REV3L: variants seen among roughly 807,000 people sequenced by gnomAD.
The protein encoded by REV3L is DNA polymerase zeta catalytic subunit.
REV3L carries 69 observed loss-of-function variants against 299.4 expected under a neutral mutation model. The ratio of observed to expected loss-of-function variants is 0.23; its 90% CI spans 0.19 to 0.28. The LOEUF is 0.28. Ranked by LOEUF, REV3L falls within the 10% of genes least tolerant of loss-of-function variation. The probability of loss-of-function intolerance (pLI) is 1.00; values close to 1 mark genes in which losing one functional copy is unlikely to be tolerated. For synonymous variants in REV3L, 1,238 were observed against 1,271.4 expected (o/e 0.97, Z 0.56); for missense variants, 3,128 against 3,693.8 (o/e 0.85, Z 3.97).
At chr6:111,433,875 CCAGG>C (rs1403886399) in intron 1 of REV3L, among the ~76,000 whole-genome samples, 1 of 152,116 alleles carries the variant, frequency 6.6e-6, no homozygotes, top group Admixed American at 6.5e-5. Flanking sequence ...GGAATTCATC[CCAGG>C]GATGCAGATT....
At chr6:111,414,779 C>T (rs1784585042) in intron 2 of REV3L, among the ~76,000 whole-genome samples, 2 of 152,176 alleles carry the variant, frequency 1.3e-5, no homozygotes, top group Admixed American at 6.5e-5. Context: ...TGATTCCTCT[C>T]TCACAATCCT....
At chr6:111,302,023 A>G (rs1017701731) in intron 31 of REV3L, among the ~76,000 whole-genome samples, 5 of 152,210 alleles carry the variant, frequency 3.3e-5, no homozygotes, top group African/African-American at 4.8e-5. Flanking sequence ...TCTTTGATCT[A>G]TATTTATCAA....
rs1784919928 is a variant in REV3L at position 111,417,714 on chromosome 6, T to G, written c.140-1242A>C. Among the ~76,000 whole-genome samples the G allele has an allele frequency of 2.6e-5, 4 of 152,336 alleles. No homozygotes were observed. The South Asian group carries it at 8.3e-4, about 32-fold the overall frequency. Reference sequence around the variant, plus strand: ...TTACATTTCTTATAAAGAATAACATTAGCTTCTCTTATTTTTAAGGTACAC... The same window carrying G: ...TTACATTTCTTATAAAGAATAACATGAGCTTCTCTTATTTTTAAGGTACAC... On this transcript the variant is annotated intron_variant, in intron 1 of 31. Transcript: ENST00000368802.
chr6:111,336,697 G>A (rs1426457897), intron 21 of REV3L, among the ~76,000 whole-genome samples: 7 of 151,890 alleles, frequency 4.6e-5, no homozygotes, highest in Non-Finnish European at 1.0e-4. Flanking sequence ...AGGAATGAAA[G>A]AGGGTATCTA....
At chr6:111,306,984 A>G (rs757422347) in intron 31 of REV3L, among the ~76,000 whole-genome samples, 1 of 152,090 alleles carries the variant, frequency 6.6e-6, no homozygotes, top group Non-Finnish European at 1.5e-5. Context: ...GAACTCTGAA[A>G]TGCTCTCATG....
chr6:111,364,123 CTG>C (rs1162142954), intron 15 of REV3L, 145 bp from the exon 16 acceptor site: 61 of 1,140,124 alleles, frequency 5.4e-5, no homozygotes, highest in African/African-American at 1.9e-4. Flanking sequence ...CAAGAACAAA[CTG>C]TATTTTATTA....
chr6:111,341,505 G>A (rs534609856), intron 21 of REV3L, among the ~76,000 whole-genome samples: 4 of 152,288 alleles, frequency 2.6e-5, no homozygotes, highest in African/African-American at 7.2e-5. Context: ...TGTTTTCAAA[G>A]CTATACTTTT....
intron 1 of REV3L, chr6:111,460,258 A>T (rs527905971): frequency 6.6e-6 from 1 of 152,170 alleles, no homozygotes; most frequent in Admixed American, 6.6e-5. Flanking sequence ...CAGACACTGG[A>T]GAATACAAGA....
At chr6:111,355,404 C>G (rs565964098) in intron 18 of REV3L, among the ~76,000 whole-genome samples, 2 of 152,178 alleles carry the variant, frequency 1.3e-5, no homozygotes, top group South Asian at 4.1e-4. Flanking sequence ...ACTCCAAAGG[C>G]TGTGCTGAGT....
At chr6:111,324,914 T>G (rs1383334634) in intron 25 of REV3L, among the ~76,000 whole-genome samples, 3 of 149,914 alleles carry the variant, frequency 2.0e-5, no homozygotes, top group African/African-American at 2.5e-5. Context: ...CAGGCTGGAG[T>G]ACAGTGGCGC....
intron 16 of REV3L, among the ~76,000 whole-genome samples, chr6:111,360,230 A>C (rs1167454520): frequency 6.6e-6 from 1 of 152,130 alleles, no homozygotes; most frequent in East Asian, 1.9e-4. Context: ...ACTATAATAC[A>C]CTGATACATG....
chr6:111,477,723 T>C (rs1793107748), intron 1 of REV3L, among the ~76,000 whole-genome samples: 1 of 152,160 alleles, frequency 6.6e-6, no homozygotes, highest in Admixed American at 6.5e-5. Context: ...TCTGTCCATA[T>C]CCTGAATGCA....
At chr6:111,474,221 C>T (rs1054284973) in intron 1 of REV3L, among the ~76,000 whole-genome samples, 1 of 152,158 alleles carries the variant, frequency 6.6e-6, no homozygotes, top group Non-Finnish European at 1.5e-5. Context: ...TTCTGACAAA[C>T]ATACATGCAC....
chr6:111,366,728 T>C lies in REV3L; in HGVS notation c.6673+387A>G, dbSNP rs543424572. Among the ~76,000 whole-genome samples the C allele has an allele frequency of 5.9e-5, 9 of 152,286 alleles. No homozygotes were observed. In the South Asian group the frequency reaches 1.9e-3, roughly 32 times the overall value. Reference sequence around the variant, plus strand: ...AAATAACTGGAGTTGTCAAATTAGATAAATCTTTTAAGAAATTTGGCTTTG... The same window carrying C: ...AAATAACTGGAGTTGTCAAATTAGACAAATCTTTTAAGAAATTTGGCTTTG... On this transcript the variant is annotated intron_variant, in intron 14 of 31. Transcript: ENST00000368802.
At chr6:111,325,882 G>A (rs1225319577) in intron 25 of REV3L, among the ~76,000 whole-genome samples, 1 of 152,038 alleles carries the variant, frequency 6.6e-6, no homozygotes, top group African/African-American at 2.4e-5. Flanking sequence ...CATTCTAATT[G>A]TATTTTTGTA....
intron 1 of REV3L, among the ~76,000 whole-genome samples, chr6:111,456,414 T>C (rs914930325): frequency 5.9e-5 from 9 of 152,216 alleles, no homozygotes; most frequent in Non-Finnish European, 8.8e-5. Flanking sequence ...GAAATCTGTA[T>C]ATAAATACTG....
intron 21 of REV3L, among the ~76,000 whole-genome samples, chr6:111,336,299 C>G (rs752043392): frequency 2.0e-5 from 3 of 151,420 alleles, no homozygotes; most frequent in African/African-American, 4.9e-5. Flanking sequence ...TAAAAATGAC[C>G]CAGAAGTATA....
At chr6:111,411,859 T>C (rs564003093) in intron 2 of REV3L, 199 of 418,468 alleles carry the variant, frequency 4.8e-4, no homozygotes, top group African/African-American at 4.1e-3. Flanking sequence ...ATCCACCCCT[T>C]AATCTCAAAC....
chr6:111,427,426 G>A (rs1319380326), intron 1 of REV3L, among the ~76,000 whole-genome samples: 1 of 152,130 alleles, frequency 6.6e-6, no homozygotes, highest in Non-Finnish European at 1.5e-5. Flanking sequence ...GAGACTTCTG[G>A]TTGTAAAACG....
Sources: allele counts gnomAD v4.1 joint callset (sites outside exome capture counted in the v4.1 genomes callset), GRCh38; gene constraint gnomAD v4.1.1; transcripts MANE v1.5; gene names NCBI Gene and HGNC (gene_info 2026-07-23, HGNC 2026-07-21).